The following TOM1L1 variants were observed in gnomAD, a reference collection of about 807,000 sequenced individuals.
The protein encoded by TOM1L1 is TOM1-like protein 1.
Under a neutral mutation model 63.4 loss-of-function variants are expected in TOM1L1, and 64 were observed. The ratio of observed to expected loss-of-function variants is 1.01; its 90% CI spans 0.83 to 1.24. TOM1L1 has a LOEUF of 1.24. Among genes scored for constraint, TOM1L1 ranks in the 50% most tolerant of loss-of-function variants. The probability of loss-of-function intolerance (pLI) is 0.00; values close to 1 mark genes in which losing one functional copy is unlikely to be tolerated. For missense variants in TOM1L1, 536 were observed against 567.0 expected, an observed-to-expected ratio of 0.95 and a Z score of 0.55; for synonymous variants, 166 against 194.4, an observed-to-expected ratio of 0.85 and a Z score of 1.22.
At chr17:54,940,583 G>T (rs2049019115) in intron 11 of TOM1L1, among the ~76,000 whole-genome samples, 1 of 152,156 alleles carries the variant, frequency 6.6e-6, no homozygotes, top group Non-Finnish European at 1.5e-5. Context: ...ATATCCCTCA[G>T]TTGGGGACTG....
intron 7 of TOM1L1, 78 bp downstream of exon 7, chr17:54,915,940 G>A (rs762421613): frequency 1.1e-5 from 12 of 1,067,662 alleles, no homozygotes; most frequent in African/African-American, 1.6e-5. Context: ...GGAGATGGAA[G>A]ACACCTTAAT....
At chr17:54,934,874 C>A (rs771012490) in intron 8 of TOM1L1, among the ~76,000 whole-genome samples, 1 of 152,190 alleles carries the variant, frequency 6.6e-6, no homozygotes, top group East Asian at 1.9e-4. Context: ...CATGCCACCA[C>A]GCCCAGCTAA....
chr17:54,937,380 G>A, intron 10 of TOM1L1, 154 bp downstream of exon 10: 1 of 653,354 alleles, frequency 1.5e-6, no homozygotes, highest in Admixed American at 2.6e-5. Flanking sequence ...CCCGGCAAAT[G>A]GTTGAGTCAA....
intron 3 of TOM1L1, 102 bp from the exon 4 acceptor site, chr17:54,912,564 T>A (rs960078460): frequency 1.4e-5 from 14 of 966,552 alleles, no homozygotes; most frequent in South Asian, 2.1e-5. Context: ...TGTTTGTTAA[T>A]TAGGATGCTG....
intron 8 of TOM1L1, among the ~76,000 whole-genome samples, chr17:54,934,713 ATT>A (rs60173487): frequency 0.58 from 85,185 of 147,368 alleles, 24,724 homozygotes; most frequent in African/African-American, 0.68. Flanking sequence ...AACTAGATGG[ATT>A]TTTTTTTTTT....
intron 1 of TOM1L1, among the ~76,000 whole-genome samples, chr17:54,903,423 A>G (rs931780310): frequency 6.6e-6 from 1 of 152,242 alleles, no homozygotes; most frequent in African/African-American, 2.4e-5. Flanking sequence ...CTTCTCTGAA[A>G]GCCAGGCAGG....
intron 7 of TOM1L1, among the ~76,000 whole-genome samples, chr17:54,926,186 A>G (rs2048766343): frequency 1.3e-5 from 2 of 152,054 alleles, no homozygotes; most frequent in Admixed American, 6.6e-5. Context: ...ACATTTCCCC[A>G]CCACTGTGTT....
chr17:54,902,366 T>G (rs1037774013), intron 1 of TOM1L1, among the ~76,000 whole-genome samples: 3 of 152,188 alleles, frequency 2.0e-5, no homozygotes, highest in Non-Finnish European at 4.4e-5. Flanking sequence ...CTCGGCACAC[T>G]GCAACCTCCG....
chr17:54,924,283 C>CTTTTTTTT (rs35210443), intron 7 of TOM1L1, among the ~76,000 whole-genome samples: 2 of 137,534 alleles, frequency 1.5e-5, no homozygotes. Flanking sequence ...TTTCTTTTTT[C>CTTTTTTTT]TTTTTTTTTT....
In TOM1L1 at chr17:54,958,703, G is replaced by A. The variant is rs543046392; in HGVS notation, c.1371-1863G>A. Among the ~76,000 whole-genome samples the A allele has an allele frequency of 9.6e-5, 13 of 135,924 alleles. No homozygotes were observed. In the South Asian group the frequency reaches 1.4e-3, roughly 14 times the overall value. The allele number at this position is 135,924 out of a possible 152,430, so 89.2% of individuals were successfully genotyped here. On this transcript the variant is annotated intron_variant, in intron 14 of 15. Coordinates refer to ENST00000575882, the MANE Select transcript of TOM1L1 (RefSeq NM_005486.3). Reference sequence around the variant, plus strand: ...TGAGATCCCACTATTGCACTCTAGCGTGGGCAACAAGAGTGAAACTCCATC... The same window carrying A: ...TGAGATCCCACTATTGCACTCTAGCATGGGCAACAAGAGTGAAACTCCATC...
intron 7 of TOM1L1, among the ~76,000 whole-genome samples, chr17:54,919,993 T>G (rs78151863): frequency 0.18 from 28,017 of 151,536 alleles, 3,689 homozygotes; most frequent in African/African-American, 0.36. Flanking sequence ...TTGATTTATT[T>G]ATTTATTTAT....
rs770071653 is a variant in TOM1L1, at chr17:54,947,302, CAT to C, written c.1175_1176del (p.Tyr392Ter). On this transcript the variant is annotated frameshift_variant, in exon 12 of 16. Transcript: ENST00000575882. LOFTEE classifies it high-confidence loss of function. ...AGCCAAAACCTCACCTCAAGCCACGCATATGATAATGTAAGTAACAAAACTCT... is the reference window on the plus strand; with the variant it reads ...AGCCAAAACCTCACCTCAAGCCACGCATGATAATGTAAGTAACAAAACTCT... The C allele has an allele frequency of 1.2e-6, 2 of 1,614,022 alleles. No homozygotes were observed. Among genetic ancestry groups the C allele is most frequent in the African/African-American group, 2.7e-5 (2 of 74,928 alleles).
intron 8 of TOM1L1, among the ~76,000 whole-genome samples, chr17:54,935,331 T>G (rs974517063): frequency 6.6e-6 from 1 of 152,120 alleles, no homozygotes; most frequent in Admixed American, 6.5e-5. Flanking sequence ...CACAAGGTAA[T>G]GTCATCAGTT....
intron 8 of TOM1L1, among the ~76,000 whole-genome samples, chr17:54,935,687 A>G (rs1407421824): frequency 6.6e-6 from 1 of 152,146 alleles, no homozygotes; most frequent in Non-Finnish European, 1.5e-5. Flanking sequence ...AGGTACTAAC[A>G]CTGACACTTA....
At chr17:54,951,620 G>A (rs570393583) in intron 14 of TOM1L1, among the ~76,000 whole-genome samples, 1 of 152,334 alleles carries the variant, frequency 6.6e-6, no homozygotes, top group East Asian at 1.9e-4. Flanking sequence ...TTGTGAGCCA[G>A]GAACCTTAGA....
chr17:54,905,357 C>T, intron 2 of TOM1L1, 132 bp from the exon 3 acceptor site: 1 of 626,834 alleles, frequency 1.6e-6, no homozygotes, highest in Non-Finnish European at 2.8e-6. Flanking sequence ...GCATAGGGTC[C>T]CACAGTAGAA....
In TOM1L1 at chr17:54,913,802, T is replaced by C; in HGVS notation, c.427T>C (p.Tyr143His). Residue 143 changes from tyrosine (Y) to histidine (H), a missense_variant, in exon 5 of 16, where the codon TAC (tyrosine) becomes CAC (histidine). Coordinates refer to ENST00000575882, the MANE Select transcript of TOM1L1 (RefSeq NM_005486.3). ...GGATGTAAGCGAAGTCAAAGAAGTATACCTCGACCTGGTTAAGAAAGGCGT... is the reference window on the plus strand; with the variant it reads ...GGATGTAAGCGAAGTCAAAGAAGTACACCTCGACCTGGTTAAGAAAGGCGT... Reference protein sequence around the residue: ...GVDVSEVKEVYLDLVKKGVQF... With the variant: ...GVDVSEVKEVHLDLVKKGVQF... 6.2e-7 allele frequency: 1 copy of C among 1,612,214 alleles called. No homozygotes were observed. Among genetic ancestry groups the C allele is most frequent in the African/African-American group, 1.3e-5 (1 of 74,950 alleles).
At chr17:54,912,276 T>G (rs1308748083) in intron 3 of TOM1L1, among the ~76,000 whole-genome samples, 1 of 152,176 alleles carries the variant, frequency 6.6e-6, no homozygotes, top group African/African-American at 2.4e-5. Context: ...TTTTTGAAAG[T>G]GAAAGGGTGT....
rs761487438 is a variant in TOM1L1, at chr17:54,936,713, A to C, written c.915+4A>C. 2 of 1,603,580 alleles carry C rather than the reference A, an allele frequency of 1.2e-6. No homozygotes were observed. Among genetic ancestry groups the C allele is most frequent in the South Asian group, 1.1e-5 (1 of 88,766 alleles). The stretch of plus-strand genomic sequence containing the variant: ...GAACCAGAAGGAAGCCACCAATGTA[A>C]GTGATGAGAAATGTTATAAAATAAA... On this transcript the variant is annotated splice_donor_region_variant and intron_variant, in intron 9 of 15. Transcript: ENST00000575882.
Sources: allele counts gnomAD v4.1 joint callset (sites outside exome capture counted in the v4.1 genomes callset), GRCh38; gene constraint gnomAD v4.1.1; transcripts MANE v1.5; gene names NCBI Gene and HGNC (gene_info 2026-07-23, HGNC 2026-07-21).